The following DPP10 variants were observed in gnomAD, a reference collection of about 807,000 sequenced individuals.
DPP10 encodes inactive dipeptidyl peptidase 10.
A neutral mutation model predicts 120.9 loss-of-function variants in DPP10; 33 were observed. The ratio of observed to expected loss-of-function variants is 0.27; its 90% CI spans 0.21 to 0.37. The LOEUF (loss-of-function observed/expected upper bound fraction) is 0.37. Ranked by LOEUF, DPP10 falls within the 10% of genes least tolerant of loss-of-function variation. The probability of loss-of-function intolerance (pLI) is 1.00; values close to 1 mark genes in which losing one functional copy is unlikely to be tolerated. For synonymous variants in DPP10, 337 were observed against 326.1 expected (o/e 1.03, Z -0.36); for missense variants, 816 against 942.8 (o/e 0.87, Z 1.76).
chr2:115,694,506 A>C (rs551626313), intron 7 of DPP10, among the ~76,000 whole-genome samples: 1 of 152,304 alleles, frequency 6.6e-6, no homozygotes, highest in South Asian at 2.1e-4. Flanking sequence ...GATGTGTCAA[A>C]ATTTGTGGAA....
chr2:115,669,353 T>C (rs1440401914), intron 5 of DPP10, among the ~76,000 whole-genome samples: 1 of 152,130 alleles, frequency 6.6e-6, no homozygotes, highest in Non-Finnish European at 1.5e-5. Context: ...GTCAGATTAG[T>C]TGTGTACTGT....
At chr2:114,828,700 A>G (rs1293054668) in intron 1 of DPP10, 2 of 152,246 alleles carry the variant, frequency 1.3e-5, no homozygotes, top group Non-Finnish European at 2.9e-5. Flanking sequence ...GTTAAAAGAC[A>G]TAGAAGAAGC....
chr2:115,629,160 G>A (rs1339526229), intron 5 of DPP10, among the ~76,000 whole-genome samples: 4 of 152,068 alleles, frequency 2.6e-5, no homozygotes, highest in Admixed American at 2.6e-4. Context: ...CTTTTTTATG[G>A]CTGCATAGTA....
intron 5 of DPP10, among the ~76,000 whole-genome samples, chr2:115,626,988 C>A (rs1409977912): frequency 6.6e-6 from 1 of 152,042 alleles, no homozygotes; most frequent in Non-Finnish European, 1.5e-5. Context: ...TGCCAGAAAG[C>A]AATGGCATAC....
chr2:115,512,184 C>T (rs916549516), intron 4 of DPP10, among the ~76,000 whole-genome samples: 2 of 151,716 alleles, frequency 1.3e-5, no homozygotes, highest in Non-Finnish European at 2.9e-5. Flanking sequence ...CACTGTAGCC[C>T]CAATCTCCCA....
chr2:115,832,873 A>G (rs1366391046), intron 21 of DPP10, among the ~76,000 whole-genome samples: 1 of 151,974 alleles, frequency 6.6e-6, no homozygotes, highest in Non-Finnish European at 1.5e-5. Context: ...TCCGGTAGGC[A>G]CCTTTATTAT....
chr2:114,822,308 C>G (rs1431488730), intron 1 of DPP10, among the ~76,000 whole-genome samples: 1 of 152,180 alleles, frequency 6.6e-6, no homozygotes, highest in Non-Finnish European at 1.5e-5. Flanking sequence ...CAATCTGTAC[C>G]TTGGCCCCTT....
intron 1 of DPP10, among the ~76,000 whole-genome samples, chr2:114,865,040 G>A (rs74404484): frequency 0.013 from 1,951 of 152,354 alleles, 38 homozygotes; most frequent in African/African-American, 0.045. Flanking sequence ...GATTTGAAAA[G>A]TGGGGATGGG....
At chr2:115,421,749 T>G (rs2069980926) in intron 3 of DPP10, among the ~76,000 whole-genome samples, 1 of 151,720 alleles carries the variant, frequency 6.6e-6, no homozygotes, top group Non-Finnish European at 1.5e-5. Flanking sequence ...CATGAGCCTT[T>G]AGTCTCAGCT....
intron 1 of DPP10, among the ~76,000 whole-genome samples, chr2:114,696,471 T>A (rs948890239): frequency 6.6e-5 from 10 of 152,086 alleles, no homozygotes; most frequent in African/African-American, 2.4e-4. Context: ...ACAATTCTTT[T>A]ATTTGCAGCT....
At chr2:115,055,779 G>T (rs1469351110) in intron 1 of DPP10, among the ~76,000 whole-genome samples, 1 of 151,970 alleles carries the variant, frequency 6.6e-6, no homozygotes, top group Non-Finnish European at 1.5e-5. Context: ...TATGAGGAAG[G>T]ATTTGCTCAC....
rs570113287 is a variant in DPP10, at chr2:114,870,416, TA to T, written c.60+427579del. Among the ~76,000 whole-genome samples, 222 of 151,868 alleles carry T rather than the reference TA, an allele frequency of 1.5e-3. 1 individual carries two copies. Among genetic ancestry groups the T allele is most frequent in the African/African-American group, 5.1e-3 (211 of 41,462 alleles). On this transcript the variant is annotated intron_variant, in intron 1 of 25. Coordinates refer to ENST00000410059, the MANE Select transcript of DPP10 (RefSeq NM_020868.6). ...AACATACAACAGTGATTGTAAACAGTATTGAGTATGGAAGGAGAATGTGTAG... is the reference window on the plus strand; with the variant it reads ...AACATACAACAGTGATTGTAAACAGTTTGAGTATGGAAGGAGAATGTGTAG...
chr2:115,827,386 A>C (rs1688446886), intron 21 of DPP10, among the ~76,000 whole-genome samples: 1 of 121,080 alleles, frequency 8.3e-6, no homozygotes, highest in African/African-American at 3.1e-5. Flanking sequence ...AGAGGAGGGC[A>C]ACTGTGTGTG....
chr2:115,480,029 G>A (rs2075331827), intron 3 of DPP10, among the ~76,000 whole-genome samples: 1 of 152,072 alleles, frequency 6.6e-6, no homozygotes, highest in South Asian at 2.1e-4. Flanking sequence ...TTCAACTATA[G>A]CCTCTGGGTG....
At chr2:114,531,784 T>A (rs1188814810) in intron 1 of DPP10, among the ~76,000 whole-genome samples, 1 of 152,052 alleles carries the variant, frequency 6.6e-6, no homozygotes, top group Non-Finnish European at 1.5e-5. Context: ...TTATTGTTAC[T>A]TGTACAGATT....
intron 1 of DPP10, among the ~76,000 whole-genome samples, chr2:114,690,474 T>C (rs1699664798): frequency 6.6e-6 from 1 of 152,148 alleles, no homozygotes; most frequent in Non-Finnish European, 1.5e-5. Context: ...CATGCTGTTT[T>C]GGTTACAGTA....
chr2:115,472,997 A>G (rs929924991), intron 3 of DPP10, among the ~76,000 whole-genome samples: 1 of 152,188 alleles, frequency 6.6e-6, no homozygotes, highest in African/African-American at 2.4e-5. Context: ...AGAATATGCC[A>G]AGTTTCCACT....
chr2:115,830,102 TC>T (rs1240144151), intron 21 of DPP10, among the ~76,000 whole-genome samples: 1 of 152,120 alleles, frequency 6.6e-6, no homozygotes, highest in Non-Finnish European at 1.5e-5. Context: ...ATGCGTGTAA[TC>T]CCAGCACTTT....
intron 1 of DPP10, among the ~76,000 whole-genome samples, chr2:115,239,151 C>T (rs2058144174): frequency 1.3e-5 from 2 of 152,126 alleles, no homozygotes; most frequent in African/African-American, 4.8e-5. Context: ...CTGTTAATCT[C>T]CTTTGACAAC....
Sources: gnomAD v4.1 joint callset for allele counts (sites outside exome capture counted in the v4.1 genomes callset) on GRCh38, gnomAD v4.1.1 for gene constraint, MANE v1.5 for transcripts, NCBI Gene and HGNC (gene_info 2026-07-23, HGNC 2026-07-21) for gene names.